The following SYT9 variants were observed in gnomAD, a reference collection of about 807,000 sequenced individuals.
SYT9 encodes synaptotagmin-9.
SYT9 carries 22 observed loss-of-function variants against 48.4 expected under a neutral mutation model. The ratio of observed to expected loss-of-function variants is 0.45; its 90% CI spans 0.32 to 0.65. The LOEUF (loss-of-function observed/expected upper bound fraction) is 0.65. SYT9 is among the 30% of genes least tolerant of loss of function. The probability of loss-of-function intolerance (pLI) is 0.03; values close to 1 mark genes in which losing one functional copy is unlikely to be tolerated. For missense variants in SYT9, 577 were observed against 622.0 expected, an observed-to-expected ratio of 0.93 and a Z score of 0.77; for synonymous variants, 265 against 245.0, an observed-to-expected ratio of 1.08 and a Z score of -0.76.
intron 1 of SYT9, among the ~76,000 whole-genome samples, chr11:7,283,162 T>C (rs949422181): frequency 1.4e-5 from 2 of 146,598 alleles, no homozygotes; most frequent in Non-Finnish European, 3.0e-5. Context: ...TATATATATA[T>C]ATACACACAC....
At chr11:7,273,545 A>T (rs568668060) in intron 1 of SYT9, among the ~76,000 whole-genome samples, 1 of 152,130 alleles carries the variant, frequency 6.6e-6, no homozygotes, top group South Asian at 2.1e-4. Context: ...TTACCCTCTG[A>T]TATCACAAGA....
At chr11:7,267,467 C>T (rs1292636704) in intron 1 of SYT9, among the ~76,000 whole-genome samples, 10 of 151,576 alleles carry the variant, frequency 6.6e-5, no homozygotes, top group African/African-American at 1.9e-4. Flanking sequence ...AATAACAATG[C>T]CAAAACTCTA....
rs576795333 is a variant in SYT9, at chr11:7,263,329, A to G, written c.145+10998A>G. On this transcript the variant is annotated intron_variant, in intron 1 of 6. Transcript: ENST00000318881. ...TTCTCTCTGTGTCCTCACATGGTGG[A>G]AGGGGTTTCTTTCATAAGGGCATTA... Among the ~76,000 whole-genome samples the G allele has an allele frequency of 2.6e-5, 4 of 152,216 alleles. No homozygotes were observed. The East Asian group carries it at 7.7e-4, about 29-fold the overall frequency.
chr11:7,300,887 C>G (rs951016464), intron 1 of SYT9, among the ~76,000 whole-genome samples: 8 of 152,162 alleles, frequency 5.3e-5, no homozygotes, highest in Non-Finnish European at 1.2e-4. Context: ...CTCCCCACCT[C>G]ATGTTGGGCT....
chr11:7,363,007 G>A (rs74051151), intron 3 of SYT9, among the ~76,000 whole-genome samples: 3,103 of 59,692 alleles, frequency 0.052, 147 homozygotes, highest in African/African-American at 0.17. Flanking sequence ...CATCAGTTAT[G>A]TCAGGAACTT....
intron 1 of SYT9, 84 bp from the exon 2 acceptor site, chr11:7,302,955 G>A: frequency 7.8e-7 from 1 of 1,281,486 alleles, no homozygotes; most frequent in Non-Finnish European, 1.1e-6. Context: ...ATGAGTGGAT[G>A]AGAGGGTCAT....
intron 3 of SYT9, among the ~76,000 whole-genome samples, chr11:7,369,920 G>C (rs112837537): frequency 0.023 from 3,410 of 151,094 alleles, 121 homozygotes; most frequent in African/African-American, 0.079. Context: ...TTTTCCATAA[G>C]TTTTTGGGGT....
intron 1 of SYT9, among the ~76,000 whole-genome samples, chr11:7,287,362 A>T (rs1259129085): frequency 2.0e-5 from 3 of 152,192 alleles, no homozygotes; most frequent in Non-Finnish European, 4.4e-5. Context: ...ATATGTGGGG[A>T]TTATGGGAAC....
At chr11:7,462,736 A>C (rs1375841423) in intron 6 of SYT9, among the ~76,000 whole-genome samples, 3 of 152,248 alleles carry the variant, frequency 2.0e-5, no homozygotes, top group African/African-American at 7.2e-5. Context: ...TATTAAGTAC[A>C]TAATAAGATT....
At chr11:7,456,882 C>T (rs1848156428) in intron 6 of SYT9, 4 of 151,902 alleles carry the variant, frequency 2.6e-5, no homozygotes, top group Admixed American at 2.6e-4. Flanking sequence ...TCAGCTGATC[C>T]CATACTATCA....
At position 7,468,092 on chromosome 11, in the gene SYT9, A is replaced by AC. The variant is rs895138923; in HGVS notation, c.*1296dup. 9 of 392,994 alleles carry AC rather than the reference A, an allele frequency of 2.3e-5. No individual in the cohort carries two copies. Among genetic ancestry groups the AC allele is most frequent in the African/African-American group, 1.9e-4 (9 of 48,466 alleles). The allele number at this position is 392,994 out of a possible 1,614,324, so 24.3% of individuals were successfully genotyped here. A position where few individuals can be genotyped will look rare whatever the true frequency, so the allele number is the denominator to read the frequency against. On this transcript the variant is annotated 3_prime_UTR_variant, in exon 7 of 7. Coordinates refer to ENST00000318881, the MANE Select transcript of SYT9 (RefSeq NM_175733.4). ...CTCTGTCCCATTATAGGTGCAAGGC[A>AC]CCCCATCCACACATTTGCACCACTA...
At chr11:7,432,631 ATATATAT>A (rs1847628094) in intron 6 of SYT9, among the ~76,000 whole-genome samples, 1 of 51,190 alleles carries the variant, frequency 2.0e-5, no homozygotes, top group African/African-American at 6.1e-5. Context: ...ATATATATAT[ATATATAT>A]TTAATGACTG....
chr11:7,344,831 A>G (rs565691953), intron 3 of SYT9, among the ~76,000 whole-genome samples: 1 of 152,220 alleles, frequency 6.6e-6, no homozygotes, highest in Admixed American at 6.5e-5. Context: ...GAAATCAAAT[A>G]GTGTAAGTGC....
intron 6 of SYT9, among the ~76,000 whole-genome samples, chr11:7,452,148 C>CACACA (rs60058723): frequency 2.0e-5 from 3 of 150,360 alleles, no homozygotes; most frequent in African/African-American, 5.0e-5. Context: ...CACACACACA[C>CACACA]TGAGGAAAAA....
At chr11:7,380,853 T>A (rs1589985202) in intron 3 of SYT9, among the ~76,000 whole-genome samples, 1 of 152,326 alleles carries the variant, frequency 6.6e-6, no homozygotes, top group East Asian at 1.9e-4. Flanking sequence ...CTTCAGATGT[T>A]GTATCATTGA....
intron 3 of SYT9, among the ~76,000 whole-genome samples, chr11:7,379,296 G>A (rs1301176934): frequency 6.6e-6 from 1 of 152,054 alleles, no homozygotes; most frequent in Non-Finnish European, 1.5e-5. Context: ...AAAATAAGAG[G>A]TTTCCAGTAC....
At chr11:7,269,701 C>T (rs1848260201) in intron 1 of SYT9, among the ~76,000 whole-genome samples, 1 of 152,174 alleles carries the variant, frequency 6.6e-6, no homozygotes, top group Non-Finnish European at 1.5e-5. Context: ...CCACTCTATA[C>T]TTGTGCTTTC....
At chr11:7,362,019 G>A (rs116979411) in intron 3 of SYT9, among the ~76,000 whole-genome samples, 442 of 152,180 alleles carry the variant, frequency 2.9e-3, no homozygotes, top group Non-Finnish European at 4.8e-3. Context: ...CCCTATGCTA[G>A]CTAAAACTAT....
chr11:7,303,752 C>T (rs1278665261), intron 2 of SYT9, among the ~76,000 whole-genome samples: 1 of 152,102 alleles, frequency 6.6e-6, no homozygotes, highest in Admixed American at 6.5e-5. Context: ...TATGTAAATA[C>T]CCAGGTCAGG....
Sources: allele counts gnomAD v4.1 joint callset (sites outside exome capture counted in the v4.1 genomes callset), GRCh38; gene constraint gnomAD v4.1.1; transcripts MANE v1.5; gene names NCBI Gene and HGNC (gene_info 2026-07-23, HGNC 2026-07-21).